The following RANBP17 variants were observed in gnomAD, a reference collection of about 807,000 sequenced individuals.
The protein encoded by RANBP17 is RAN binding protein 17.
A neutral mutation model predicts 141.2 loss-of-function variants in RANBP17; 158 were observed. The observed-to-expected ratio is 1.12, with a 90% CI of 0.98 to 1.28. The LOEUF (loss-of-function observed/expected upper bound fraction) is 1.28, where lower values mean the gene tolerates loss of function less well. Ranked by LOEUF, RANBP17 falls within the 50% of genes most tolerant of loss-of-function variation. The pLI, the probability that RANBP17 is intolerant of heterozygous loss-of-function variation, is 0.00. For synonymous variants in RANBP17, 430 were observed against 450.0 expected (o/e 0.96, Z 0.56); for missense variants, 1,438 against 1,290.7 (o/e 1.11, Z -1.75).
chr5:171,255,007 G>C (rs1368833038), intron 24 of RANBP17, among the ~76,000 whole-genome samples: 2 of 152,154 alleles, frequency 1.3e-5, no homozygotes, highest in Non-Finnish European at 2.9e-5. Flanking sequence ...TAATTGGGCT[G>C]CTTAAACAGA....
intron 14 of RANBP17, among the ~76,000 whole-genome samples, chr5:171,146,353 G>A (rs1166423856): frequency 6.6e-6 from 1 of 152,220 alleles, no homozygotes; most frequent in Admixed American, 6.5e-5. Context: ...CTACGTGCCA[G>A]TATTCTGCTA....
intron 14 of RANBP17, among the ~76,000 whole-genome samples, chr5:171,113,245 G>A (rs940948311): frequency 6.6e-6 from 1 of 152,070 alleles, no homozygotes; most frequent in Admixed American, 6.5e-5. Context: ...ACTACCAATG[G>A]TTAATTTGTT....
intron 14 of RANBP17, among the ~76,000 whole-genome samples, chr5:171,019,984 C>T (rs1216094909): frequency 6.6e-6 from 1 of 152,112 alleles, no homozygotes; most frequent in Non-Finnish European, 1.5e-5. Context: ...TCTTTGTTCT[C>T]ATTGGTTTCA....
chr5:171,287,549 A>G lies in RANBP17; in HGVS notation c.2944-6334A>G, dbSNP rs1483059001. Among the ~76,000 whole-genome samples the G allele has an allele frequency of 2.0e-5, 3 of 148,960 alleles. No individual in the cohort carries two copies. In the Admixed American group the frequency reaches 2.0e-4, roughly 10 times the overall value. On this transcript the variant is annotated intron_variant, in intron 25 of 27. Coordinates refer to ENST00000523189, the MANE Select transcript of RANBP17 (RefSeq NM_022897.5). ...TATCCTATTCTATGGTGCATACCCT[A>G]TTGGGCACAGCTCTGATCATCCTTT...
chr5:171,005,999 T>C (rs1405920025), intron 14 of RANBP17, among the ~76,000 whole-genome samples: 4 of 152,184 alleles, frequency 2.6e-5, no homozygotes, highest in African/African-American at 7.2e-5. Flanking sequence ...GAAAAAATGC[T>C]CATCATCACT....
chr5:170,960,995 C>G (rs965717210), intron 13 of RANBP17, among the ~76,000 whole-genome samples: 2 of 152,236 alleles, frequency 1.3e-5, no homozygotes, highest in African/African-American at 4.8e-5. Context: ...ATCTGCCTGC[C>G]TTGGGCTCCC....
intron 12 of RANBP17, among the ~76,000 whole-genome samples, chr5:170,942,130 A>C (rs1414725797): frequency 6.6e-6 from 1 of 152,114 alleles, no homozygotes; most frequent in South Asian, 2.1e-4. Context: ...TAAGTTGCAC[A>C]CTCCTTTTGA....
chr5:171,276,985 AC>A (rs1194597824), intron 25 of RANBP17, among the ~76,000 whole-genome samples: 2 of 148,512 alleles, frequency 1.3e-5, no homozygotes, highest in Non-Finnish European at 3.0e-5. Context: ...TTAAATACTA[AC>A]CCCAACTCTG....
intron 14 of RANBP17, among the ~76,000 whole-genome samples, chr5:171,062,240 G>A (rs937241676): frequency 2.6e-5 from 4 of 152,194 alleles, no homozygotes; most frequent in African/African-American, 9.7e-5. Flanking sequence ...AGTTGATGGA[G>A]TTTCTTCCTA....
chr5:171,065,471 G>A (rs368244149), intron 14 of RANBP17, among the ~76,000 whole-genome samples: 7 of 152,020 alleles, frequency 4.6e-5, no homozygotes, highest in African/African-American at 1.4e-4. Context: ...GAGAGGAGAC[G>A]GAGCTGTCAG....
At chr5:171,111,887 T>G (rs935303694) in intron 14 of RANBP17, among the ~76,000 whole-genome samples, 2 of 152,176 alleles carry the variant, frequency 1.3e-5, no homozygotes, top group Non-Finnish European at 2.9e-5. Context: ...TACTTAGGGA[T>G]CATGCCTTAT....
chr5:171,067,658 A>G (rs1481761998), intron 14 of RANBP17, among the ~76,000 whole-genome samples: 1 of 152,054 alleles, frequency 6.6e-6, no homozygotes, highest in African/African-American at 2.4e-5. Context: ...GTGTTACTAG[A>G]TATCAAATGC....
At chr5:171,143,674 A>G (rs1291525413) in intron 14 of RANBP17, among the ~76,000 whole-genome samples, 2 of 152,198 alleles carry the variant, frequency 1.3e-5, no homozygotes, top group East Asian at 1.9e-4. Context: ...CCCAGTCCCT[A>G]TGCTTAGAGC....
intron 2 of RANBP17, among the ~76,000 whole-genome samples, chr5:170,880,507 T>C (rs1768570298): frequency 6.6e-6 from 1 of 152,210 alleles, no homozygotes; most frequent in Non-Finnish European, 1.5e-5. Flanking sequence ...AATGAGCCAC[T>C]TGGAAACTTT....
chr5:171,245,326 T>C (rs1488324819), intron 24 of RANBP17, among the ~76,000 whole-genome samples: 1 of 152,162 alleles, frequency 6.6e-6, no homozygotes, highest in African/African-American at 2.4e-5. Flanking sequence ...TGGTTTTTAT[T>C]TTTTGGAGAC....
intron 14 of RANBP17, among the ~76,000 whole-genome samples, chr5:171,026,270 A>G (rs891543327): frequency 6.6e-6 from 1 of 152,142 alleles, no homozygotes; most frequent in Admixed American, 6.5e-5. Context: ...ACACCCTTAC[A>G]ATGTAGTTAA....
chr5:171,112,196 G>A (rs1234228688), intron 14 of RANBP17, among the ~76,000 whole-genome samples: 5 of 152,116 alleles, frequency 3.3e-5, no homozygotes, highest in Admixed American at 2.0e-4. Flanking sequence ...AATGCTTGGT[G>A]AGCAGGGATA....
chr5:171,171,154 C>T, intron 15 of RANBP17, 52 bp from the exon 16 acceptor site: 3 of 991,440 alleles, frequency 3.0e-6, no homozygotes, highest in Non-Finnish European at 4.6e-6. Context: ...TCTGGTTCTC[C>T]TTAGACAAGC....
intron 14 of RANBP17, among the ~76,000 whole-genome samples, chr5:171,072,509 G>A (rs1784689263): frequency 6.6e-6 from 1 of 151,184 alleles, no homozygotes. Context: ...ATATATGGAT[G>A]GCAAACAAGG....
Sources: gnomAD v4.1 joint callset for allele counts (sites outside exome capture counted in the v4.1 genomes callset) on GRCh38, gnomAD v4.1.1 for gene constraint, MANE v1.5 for transcripts, NCBI Gene and HGNC (gene_info 2026-07-23, HGNC 2026-07-21) for gene names.